Variants in DIAPH3 observed in about 807,000 individuals in gnomAD.
DIAPH3 encodes protein diaphanous homolog 3.
DIAPH3 carries 117 observed loss-of-function variants against 144.3 expected under a neutral mutation model. That is an observed-to-expected ratio of 0.81 (90% CI 0.70 to 0.95). The LOEUF is 0.95. Among genes scored for constraint, DIAPH3 ranks in the 40% least tolerant of loss-of-function variants. The pLI is 0.00. For missense variants in DIAPH3, 1,421 were observed against 1,412.7 expected, an observed-to-expected ratio of 1.01 and a Z score of -0.09; for synonymous variants, 519 against 488.9, an observed-to-expected ratio of 1.06 and a Z score of -0.81.
chr13:60,034,244 A>T (rs1307438536), intron 5 of DIAPH3, among the ~76,000 whole-genome samples: 1 of 152,258 alleles, frequency 6.6e-6, no homozygotes, highest in Non-Finnish European at 1.5e-5. Context: ...AAAGCCATAA[A>T]CACATAAGGT....
intron 27 of DIAPH3, among the ~76,000 whole-genome samples, chr13:59,773,088 T>A (rs933962339): frequency 2.6e-5 from 4 of 152,184 alleles, no homozygotes; most frequent in Non-Finnish European, 4.4e-5. Context: ...TACTTAATTA[T>A]TCACAGTGAA....
At chr13:60,152,090 GA>G (rs1406002569) in intron 1 of DIAPH3, among the ~76,000 whole-genome samples, 1 of 152,010 alleles carries the variant, frequency 6.6e-6, no homozygotes. Context: ...GCCAACCTCG[GA>G]AAAAAATGCA....
chr13:60,061,449 T>A (rs1466368847), intron 4 of DIAPH3, among the ~76,000 whole-genome samples: 1 of 151,608 alleles, frequency 6.6e-6, no homozygotes, highest in Non-Finnish European at 1.5e-5. Flanking sequence ...GACATGAGCC[T>A]CTCCAGAGGC....
intron 15 of DIAPH3, among the ~76,000 whole-genome samples, 185 bp from the exon 16 acceptor site, chr13:59,971,345 C>CT (rs551037935): frequency 3.3e-5 from 5 of 152,060 alleles, no homozygotes; most frequent in South Asian, 2.1e-4. Context: ...ATAATTATAG[C>CT]TTTTTTTCCC....
chr13:59,802,667 ATTTTTTT>A (rs71089516), intron 25 of DIAPH3, among the ~76,000 whole-genome samples: 1 of 23,758 alleles, frequency 4.2e-5, no homozygotes. Context: ...TATTATTATT[ATTTTTTT>A]TTTTTTTTTT....
rs371499934 is a variant in DIAPH3, at chr13:59,709,674, G to T, written c.3320-42828C>A. 3.3e-5 allele frequency among the ~76,000 whole-genome samples: 5 copies of T among 152,206 alleles called. No homozygotes were observed. The South Asian group carries it at 6.2e-4, about 19-fold the overall frequency. ...ACTGTAAACTAGTTCAACCGTTGTG[G>T]AAGGCAGTGTGGCGATTCCTCAGGG... On this transcript the variant is annotated intron_variant, in intron 27 of 27. Transcript: ENST00000400324.
Position 59,970,949 on chromosome 13 carries a change from C to A in DIAPH3, c.1862G>T (p.Gly621Val), listed in dbSNP as rs2140573587. 1.2e-6 allele frequency: 2 copies of A among 1,613,810 alleles called. No homozygotes were observed. The highest frequency in any genetic ancestry group is 4.5e-5 in the East Asian group (2 of 44,834). The part of the protein sequence containing the change: ...PPPPPLGFLG[G>V]QNSPPLPILP... ...GATTGGTAGAGGAGGAGAATTTTGT[C>A]CTCCAAGGAATCCCAGGGGAGGTGG... The change falls in exon 16 of 28, where the codon GGA (glycine) becomes GTA (valine). Residue 621 changes from glycine (G) to valine (V), a missense_variant. Gly to Val is a moderately radical substitution (Grantham distance 109). Coordinates refer to ENST00000400324, the MANE Select transcript of DIAPH3 (RefSeq NM_001042517.2).
intron 3 of DIAPH3, among the ~76,000 whole-genome samples, chr13:60,103,666 G>C (rs1313578087): frequency 1.3e-5 from 2 of 152,160 alleles, no homozygotes; most frequent in East Asian, 3.8e-4. Flanking sequence ...ATAACATTAT[G>C]TTTTGTTTTA....
chr13:59,774,839 C>T lies in DIAPH3; in HGVS notation c.3164-16G>A, dbSNP rs1162783612. The T allele has an allele frequency of 1.4e-5, 23 of 1,602,902 alleles. No homozygotes were observed. Among genetic ancestry groups the T allele is most frequent in the Non-Finnish European group, 2.0e-5 (23 of 1,169,970 alleles). ...TCATCACCCTCTGTGAAAAGAGATG[C>T]AGGGAATTCCATCAGCCCTCAGGGT... On this transcript the variant is annotated splice_polypyrimidine_tract_variant and intron_variant, in intron 25 of 27. Coordinates refer to ENST00000400324, the MANE Select transcript of DIAPH3 (RefSeq NM_001042517.2).
intron 4 of DIAPH3, among the ~76,000 whole-genome samples, chr13:60,066,117 A>G (rs1444963126): frequency 1.3e-5 from 2 of 152,186 alleles, no homozygotes; most frequent in Non-Finnish European, 2.9e-5. Flanking sequence ...ATCATAAGCA[A>G]TAAGCCATTC....
At chr13:60,072,713 G>A (rs1353780265) in intron 4 of DIAPH3, among the ~76,000 whole-genome samples, 2 of 151,988 alleles carry the variant, frequency 1.3e-5, no homozygotes, top group Non-Finnish European at 2.9e-5. Flanking sequence ...TGAAAAAAAG[G>A]AGAAATAATA....
intron 4 of DIAPH3, among the ~76,000 whole-genome samples, chr13:60,079,263 T>C (rs1937006123): frequency 6.6e-6 from 1 of 152,216 alleles, no homozygotes; most frequent in Middle Eastern, 3.4e-3. Flanking sequence ...ATATTAGGCT[T>C]TCCATTATTT....
rs1208441716 is a variant in DIAPH3, at chr13:59,870,671, T to TG, written c.2607+8557_2607+8558insC. ...TTTTCAAAGTTTTGTAGGTGTTTTTTTTTTTTTTTTAAATTTGAGATGGAG... is the reference window on the plus strand; with the variant it reads ...TTTTCAAAGTTTTGTAGGTGTTTTTTGTTTTTTTTTTAAATTTGAGATGGAG... On this transcript the variant is annotated intron_variant, in intron 21 of 27. Transcript: ENST00000400324. Among the ~76,000 whole-genome samples, 7 of 151,368 alleles carry TG rather than the reference T, an allele frequency of 4.6e-5. No individual in the cohort carries two copies. The South Asian group carries it at 8.3e-4, about 18-fold the overall frequency.
At chr13:60,042,622 A>T (rs2141196415) in intron 5 of DIAPH3, 68 bp downstream of exon 5, 1 of 1,598,628 alleles carries the variant, frequency 6.3e-7, no homozygotes, top group South Asian at 1.1e-5. Flanking sequence ...GCAAAATGAA[A>T]AAAAGTATTA....
At chr13:59,762,959 TA>T (rs2037678017) in intron 27 of DIAPH3, among the ~76,000 whole-genome samples, 1 of 152,060 alleles carries the variant, frequency 6.6e-6, no homozygotes, top group Admixed American at 6.6e-5. Context: ...GAAGATGCAG[TA>T]AGAAGGCCCT....
intron 17 of DIAPH3, among the ~76,000 whole-genome samples, chr13:59,925,249 T>C (rs566133902): frequency 3.7e-4 from 57 of 152,282 alleles, no homozygotes; most frequent in Middle Eastern, 6.8e-3. Context: ...ATTAATTGGA[T>C]TATGAAGCTA....
At chr13:60,084,182 C>A (rs188265943) in intron 4 of DIAPH3, among the ~76,000 whole-genome samples, 396 of 152,094 alleles carry the variant, frequency 2.6e-3, no homozygotes, top group South Asian at 8.5e-3. Flanking sequence ...ATACACAAAA[C>A]TGAAGAAAGG....
intron 27 of DIAPH3, among the ~76,000 whole-genome samples, chr13:59,725,699 G>T (rs955978720): frequency 6.6e-6 from 1 of 152,052 alleles, no homozygotes; most frequent in Non-Finnish European, 1.5e-5. Context: ...TTAAATTCCT[G>T]CCAATATTGT....
At chr13:59,856,880 T>C (rs1280128953) in intron 22 of DIAPH3, among the ~76,000 whole-genome samples, 6 of 150,414 alleles carry the variant, frequency 4.0e-5, no homozygotes, top group Non-Finnish European at 5.9e-5. Flanking sequence ...ATTAACTACA[T>C]CATATAGGCA....
Sources: gnomAD v4.1 joint callset for allele counts (sites outside exome capture counted in the v4.1 genomes callset) on GRCh38, gnomAD v4.1.1 for gene constraint, MANE v1.5 for transcripts, NCBI Gene and HGNC (gene_info 2026-07-23, HGNC 2026-07-21) for gene names.